Variants in NBPF20 observed in about 807,000 individuals in gnomAD.
NBPF20 encodes the protein NBPF member 20, also known as NBPF family member NBPF20.
Under a neutral mutation model 68.1 loss-of-function variants are expected in NBPF20, and 90 were observed. The ratio of observed to expected loss-of-function variants is 1.32; its 90% CI spans 1.11 to 1.58. NBPF20 has a LOEUF of 1.58. NBPF20 is among the 40% of genes most tolerant of loss of function. The pLI is 0.00. For synonymous variants in NBPF20, 290 were observed against 228.1 expected, an observed-to-expected ratio of 1.27 and a Z score of -2.45; for missense variants, 816 against 601.2, an observed-to-expected ratio of 1.36 and a Z score of -3.74.
chr1:145,400,053 A>G (rs1268026092), intron 6 of NBPF20, among the ~76,000 whole-genome samples: 6 of 152,190 alleles, frequency 3.9e-5, no homozygotes, highest in African/African-American at 1.4e-4. Flanking sequence ...AGGCATAGAA[A>G]TTCCATGGAC....
chr1:145,404,981 T>C, intron 2 of NBPF20, 117 bp downstream of exon 7: 1 of 1,401,910 alleles, frequency 7.1e-7, no homozygotes, highest in Middle Eastern at 2.5e-4. Context: ...AATACCCATT[T>C]CTGTTTTCCT....
chr1:145,291,337 A>C lies in NBPF20; in HGVS notation c.*189T>G, dbSNP rs587743541. 5.6e-3 allele frequency: 5,557 copies of C among 987,974 alleles called. 206 individuals carry two copies. The African/African-American group carries it at 0.08, about 14-fold the overall frequency. 61.2% of individuals were successfully genotyped at this position (987,974 alleles called of 1,614,324 possible). ...ACAGTTATGTGAACGTGTCACACCT[A>C]ACGTGGGTCCATTGTCTTCAGACTG... On this transcript the variant is annotated 3_prime_UTR_variant, in exon 138 of 138. Coordinates refer to ENST00000369373, the Ensembl canonical transcript of NBPF20.
the NBPF20 span, among the ~76,000 whole-genome samples, chr1:145,425,533 C>T: frequency 6.6e-6 from 1 of 152,220 alleles, no homozygotes; most frequent in Non-Finnish European, 1.5e-5. Context: ...CCCAATATCG[C>T]CGCTGTCTCA....
At chr1:145,311,902 G>A (rs1471390822) in intron 112 of NBPF20, among the ~76,000 whole-genome samples, 1 of 112,536 alleles carries the variant, frequency 8.9e-6, no homozygotes, top group Non-Finnish European at 1.8e-5. Context: ...AAATCTACAA[G>A]ATCTACAAAA....
chr1:145,290,390 G>A (rs1235229503), exon 138 of NBPF20: 1 of 149,306 alleles, frequency 6.7e-6, no homozygotes, highest in Non-Finnish European at 1.5e-5. Flanking sequence ...TCTGCCCGCA[G>A]ATGGGCTGAG....
the NBPF20 span, among the ~76,000 whole-genome samples, chr1:145,415,031 T>C: frequency 6.6e-6 from 1 of 152,146 alleles, no homozygotes; most frequent in Admixed American, 6.5e-5. Context: ...GGCACTGGCC[T>C]CTGAGTTCCC....
At chr1:145,393,277 C>A in intron 9 of NBPF20, 31 bp from the exon 15 acceptor site, 1 of 661,912 alleles carries the variant, frequency 1.5e-6, no homozygotes. Context: ...AAAGAATAAG[C>A]CAGGGGGAAT....
chr1:145,403,123 G>A (rs1662604888), intron 3 of NBPF20, 93 bp downstream of exon 8: 7 of 1,424,182 alleles, frequency 4.9e-6, no homozygotes, highest in Non-Finnish European at 6.9e-6. Flanking sequence ...CCTTCCCCTG[G>A]CCCAGCTTAG....
At chr1:145,390,327 C>CAA (rs1210697998) in intron 13 of NBPF20, among the ~76,000 whole-genome samples, 3 of 64,882 alleles carry the variant, frequency 4.6e-5, no homozygotes, top group African/African-American at 1.0e-4. Flanking sequence ...CACACACACA[C>CAA]ACACACACAC....
At chr1:145,397,783 G>T (rs1424867282) in intron 7 of NBPF20, among the ~76,000 whole-genome samples, 101 of 152,278 alleles carry the variant, frequency 6.6e-4, no homozygotes, top group African/African-American at 2.1e-3. Flanking sequence ...AAAAAACACA[G>T]AATGGCAAAT....
Position 145,401,052 on chromosome 1 carries a change from G to C in NBPF20, c.566+7C>G, listed in dbSNP as rs1662499081. ...TCCATTAATTGTTCCTGAGTATTCA[G>C]TGTTACCTGGGGGCAGACGATTTCT... On this transcript the variant is annotated splice_region_variant and intron_variant, in intron 5 of 137. Transcript: ENST00000369373. 2 of 1,603,758 alleles carry C rather than the reference G, an allele frequency of 1.2e-6. No individual in the cohort carries two copies. Among genetic ancestry groups the C allele is most frequent in the Admixed American group, 3.3e-5 (2 of 59,990 alleles).
chr1:145,295,654 C>T, intron 132 of NBPF20, 36 bp from the exon 138 acceptor site: 1 of 157,318 alleles, frequency 6.4e-6, no homozygotes, highest in Non-Finnish European at 1.1e-5. Flanking sequence ...ACATATTAAG[C>T]TGGTTCTCCT....
the NBPF20 span, among the ~76,000 whole-genome samples, chr1:145,425,187 T>G: frequency 1.3e-5 from 2 of 152,212 alleles, no homozygotes; most frequent in East Asian, 1.9e-4. Context: ...ATCCAACGCA[T>G]GGAACTTAAG....
At chr1:145,394,655 A>G (rs1201005674) in intron 8 of NBPF20, among the ~76,000 whole-genome samples, 3 of 152,036 alleles carry the variant, frequency 2.0e-5, no homozygotes, top group Non-Finnish European at 4.4e-5. Flanking sequence ...AATTCAGATG[A>G]GCTGAGCTGA....
In NBPF20 at chr1:145,291,694, C is replaced by A. The variant is rs374336518; in HGVS notation, c.16773G>T (p.Pro5591=). 4.3e-6 allele frequency: 7 copies of A among 1,611,768 alleles called. No homozygotes were observed. In the Admixed American group the frequency reaches 8.3e-5, roughly 19 times the overall value. The change falls in exon 138 of 138, where the codon CCG becomes CCT. Residue 5591 remains proline, a synonymous_variant. Coordinates refer to ENST00000369373, the Ensembl canonical transcript of NBPF20. ...AGTCAGGTAGTTCAAAGTACATTGA[C>A]GGAGTAGAATAACATCCATCCAGTG...
chr1:145,408,349 C>A (rs1662889709), upstream of NBPF20, among the ~76,000 whole-genome samples: 1 of 151,924 alleles, frequency 6.6e-6, no homozygotes, highest in Non-Finnish European at 1.5e-5. Context: ...CATACCCCTC[C>A]TGTGTGTGGC....
At chr1:145,411,158 G>A in the NBPF20 span, among the ~76,000 whole-genome samples, 1 of 144,822 alleles carries the variant, frequency 6.9e-6, no homozygotes, top group East Asian at 2.0e-4. Context: ...ATAAATGGTA[G>A]AATCAGCTTG....
chr1:145,402,596 T>C (rs1662575034), intron 3 of NBPF20, among the ~76,000 whole-genome samples: 1 of 151,914 alleles, frequency 6.6e-6, no homozygotes, highest in Non-Finnish European at 1.5e-5. Flanking sequence ...TCCTCGATGA[T>C]GTTCCATTCA....
chr1:145,394,250 G>A (rs1302279034), intron 8 of NBPF20, among the ~76,000 whole-genome samples: 1 of 151,534 alleles, frequency 6.6e-6, no homozygotes, highest in African/African-American at 2.4e-5. Context: ...CCTCATAGGA[G>A]AGACACTTCA....
Sources: gnomAD v4.1 joint callset for allele counts (sites outside exome capture counted in the v4.1 genomes callset) on GRCh38, gnomAD v4.1.1 for gene constraint, MANE v1.5 for transcripts, NCBI Gene and HGNC (gene_info 2026-07-23, HGNC 2026-07-21) for gene names.